ZMIZ1: variants seen among roughly 807,000 people sequenced by gnomAD.
ZMIZ1 encodes zinc finger MIZ domain-containing protein 1.
In ZMIZ1, 17 loss-of-function variants were observed where a neutral mutation model predicts 113.9. The ratio of observed to expected loss-of-function variants is 0.15; its 90% CI spans 0.10 to 0.22. The LOEUF (loss-of-function observed/expected upper bound fraction) is 0.22. Ranked by LOEUF, ZMIZ1 falls within the 10% of genes least tolerant of loss-of-function variation. The pLI is 1.00. For missense variants in ZMIZ1, 1,059 were observed against 1,477.8 expected, an observed-to-expected ratio of 0.72 and a Z score of 4.65; for synonymous variants, 607 against 603.1, an observed-to-expected ratio of 1.01 and a Z score of -0.09.
chr10:79,230,763 G>A (rs561683067), intron 7 of ZMIZ1, among the ~76,000 whole-genome samples: 2 of 152,360 alleles, frequency 1.3e-5, no homozygotes, highest in South Asian at 4.1e-4. Context: ...GTGGAAGCGC[G>A]AGGATGTGCA....
intron 1 of ZMIZ1, among the ~76,000 whole-genome samples, chr10:79,085,320 C>T (rs1842775070): frequency 6.6e-6 from 1 of 152,162 alleles, no homozygotes; most frequent in South Asian, 2.1e-4. Context: ...TCGGATGTAG[C>T]CTCCTCAAGC....
intron 3 of ZMIZ1, among the ~76,000 whole-genome samples, chr10:79,160,703 G>A (rs1022284051): frequency 2.0e-5 from 3 of 152,228 alleles, no homozygotes; most frequent in African/African-American, 4.8e-5. Context: ...CTCCCTGGGA[G>A]CCCCTGCCTG....
At chr10:79,179,056 A>C (rs1376396490) in intron 4 of ZMIZ1, among the ~76,000 whole-genome samples, 1 of 152,248 alleles carries the variant, frequency 6.6e-6, no homozygotes, top group Non-Finnish European at 1.5e-5. Context: ...TCACACATGA[A>C]CATTTCTTAA....
intron 18 of ZMIZ1, among the ~76,000 whole-genome samples, chr10:79,302,828 G>A (rs1356784883): frequency 3.3e-5 from 5 of 150,628 alleles, no homozygotes. Flanking sequence ...CAAGGAGTTG[G>A]GACTATAGGT....
rs1854114816 is a variant in ZMIZ1 at position 79,299,060 on chromosome 10, T to C, written c.1677T>C (p.Asn559=). The C allele has an allele frequency of 1.2e-6, 2 of 1,610,204 alleles. No individual in the cohort carries two copies. The highest frequency in any genetic ancestry group is 1.1e-5 in the South Asian group (1 of 90,924). Residue 559 remains asparagine, a synonymous_variant, in exon 16 of 25, where the codon AAT becomes AAC. Transcript: ENST00000334512. The part of the protein sequence containing the change: ...SALPPPPANH[N]DELRLTFPVR... The stretch of plus-strand genomic sequence containing the variant: ...CTCTCCTCGCCCCAGCCAACCACAA[T>C]GACGAGCTGCGGCTCACATTCCCTG...
intron 1 of ZMIZ1, among the ~76,000 whole-genome samples, chr10:79,108,346 C>G (rs959251721): frequency 1.3e-5 from 2 of 152,134 alleles, no homozygotes; most frequent in African/African-American, 4.8e-5. Flanking sequence ...GACCCCAGCT[C>G]AGATCTCAGA....
chr10:79,242,192 T>C (rs1849866523), intron 7 of ZMIZ1, among the ~76,000 whole-genome samples: 1 of 152,044 alleles, frequency 6.6e-6, no homozygotes, highest in Non-Finnish European at 1.5e-5. Flanking sequence ...GAGCAAGCGC[T>C]GAAAGCCCGG....
At chr10:79,176,437 TC>T (rs1196366619) in intron 4 of ZMIZ1, among the ~76,000 whole-genome samples, 1 of 152,130 alleles carries the variant, frequency 6.6e-6, no homozygotes, top group East Asian at 1.9e-4. Flanking sequence ...TCCGAGGTCT[TC>T]CTGACAGTCC....
At chr10:79,312,257 C>T (rs1855227255) in intron 24 of ZMIZ1, among the ~76,000 whole-genome samples, 1 of 152,256 alleles carries the variant, frequency 6.6e-6, no homozygotes, top group African/African-American at 2.4e-5. Flanking sequence ...CCCGCCTTCC[C>T]ACCAGCCCAC....
chr10:79,313,305 CCT>C lies in ZMIZ1; in HGVS notation c.*559_*560del, dbSNP rs1855321476. On this transcript the variant is annotated 3_prime_UTR_variant, in exon 25 of 25. Coordinates refer to ENST00000334512, the MANE Select transcript of ZMIZ1 (RefSeq NM_020338.4). ...ACCACCCACCACAGAAAAGCACAAACCTCTGGGAAAGACAACGTCTCTCGGGG... is the reference window on the plus strand; with the variant it reads ...ACCACCCACCACAGAAAAGCACAAACCTGGGAAAGACAACGTCTCTCGGGG... The C allele has an allele frequency of 6.5e-6, 1 of 154,574 alleles. No homozygotes were observed. The highest frequency in any genetic ancestry group is 6.4e-5 in the Admixed American group (1 of 15,580). 9.6% of individuals were successfully genotyped at this position (154,574 alleles called of 1,614,324 possible). A position where few individuals can be genotyped will look rare whatever the true frequency, so the allele number is the denominator to read the frequency against.
intron 18 of ZMIZ1, 67 bp from the exon 19 acceptor site, chr10:79,303,948 G>T (rs544451181): frequency 6.1e-5 from 98 of 1,594,064 alleles, no homozygotes; most frequent in Non-Finnish European, 8.3e-5. Flanking sequence ...TGGGGAGCAC[G>T]TGCAGACCCC....
intron 1 of ZMIZ1, among the ~76,000 whole-genome samples, chr10:79,086,661 A>G (rs1006957932): frequency 3.2e-4 from 48 of 152,304 alleles, no homozygotes; most frequent in Middle Eastern, 3.4e-3. Flanking sequence ...GGCACGAGCC[A>G]TCACCCCGGC....
At chr10:79,311,297 GCGGTGGGA>G in intron 24 of ZMIZ1, 113 bp downstream of exon 24, 1 of 1,321,352 alleles carries the variant, frequency 7.6e-7, no homozygotes, top group Admixed American at 2.7e-5. Context: ...AGGTGGGTGG[GCGGTGGGA>G]GGGCTTCACC....
At chr10:79,205,565 G>A (rs964054985) in intron 5 of ZMIZ1, among the ~76,000 whole-genome samples, 1 of 152,216 alleles carries the variant, frequency 6.6e-6, no homozygotes, top group African/African-American at 2.4e-5. Flanking sequence ...CTCCTGCTCT[G>A]TAATGAGTTC....
At chr10:79,269,456 AACACACACACAC>A (rs55634343) in intron 7 of ZMIZ1, among the ~76,000 whole-genome samples, 2 of 138,470 alleles carry the variant, frequency 1.4e-5, no homozygotes, top group Non-Finnish European at 3.1e-5. Flanking sequence ...ACCTCCCCCC[AACACACACACAC>A]ACACACACAC....
chr10:79,187,116 A>C (rs918494347), intron 4 of ZMIZ1, among the ~76,000 whole-genome samples: 3 of 151,896 alleles, frequency 2.0e-5, no homozygotes, highest in Non-Finnish European at 4.4e-5. Flanking sequence ...ATGTCATCTT[A>C]CTCTTTTTGT....
chr10:79,101,490 T>A (rs193192281), intron 1 of ZMIZ1, among the ~76,000 whole-genome samples: 3 of 152,134 alleles, frequency 2.0e-5, no homozygotes, highest in Non-Finnish European at 4.4e-5. Flanking sequence ...TTCTCTCAAG[T>A]CAGAGAAGAA....
intron 1 of ZMIZ1, among the ~76,000 whole-genome samples, chr10:79,116,202 G>A (rs1844021460): frequency 6.6e-6 from 1 of 152,018 alleles, no homozygotes; most frequent in Non-Finnish European, 1.5e-5. Context: ...GTTGGGTGCT[G>A]GCAGCTGACC....
At chr10:79,276,933 C>T (rs181945947) in intron 7 of ZMIZ1, among the ~76,000 whole-genome samples, 8 of 152,180 alleles carry the variant, frequency 5.3e-5, no homozygotes, top group African/African-American at 1.7e-4. Flanking sequence ...CTACTTCCTG[C>T]ACGCGGGCCA....
Sources: allele counts gnomAD v4.1 joint callset (sites outside exome capture counted in the v4.1 genomes callset), GRCh38; gene constraint gnomAD v4.1.1; transcripts MANE v1.5; gene names NCBI Gene and HGNC (gene_info 2026-07-23, HGNC 2026-07-21).